The following UNC93B1 variants were observed in gnomAD, a reference collection of about 807,000 sequenced individuals.
The protein encoded by UNC93B1 is unc-93B1 regulator of TLR signaling.
UNC93B1 carries 33 observed loss-of-function variants against 56.8 expected under a neutral mutation model. The ratio of observed to expected loss-of-function variants is 0.58; its 90% CI spans 0.44 to 0.78. UNC93B1 has a LOEUF of 0.78. Ranked by LOEUF, UNC93B1 falls within the 30% of genes least tolerant of loss-of-function variation. The pLI is 0.00. For synonymous variants in UNC93B1, 334 were observed against 358.6 expected (o/e 0.93, Z 0.77); for missense variants, 673 against 819.5 (o/e 0.82, Z 2.18).
At position 67,991,804 on chromosome 11, in the gene UNC93B1, C is replaced by G. The variant is rs1467680944; in HGVS notation, c.1536G>C (p.Leu512=). Residue 512 remains leucine (L), a synonymous_variant, in exon 11 of 11, where the codon CTG becomes CTC. Transcript: ENST00000227471. ...CCCGGCGCAGCTTCTGCTCCATCCGCAGGTAGGAGACCGCGGCCGCCACCA... is the reference window on the plus strand; with the variant it reads ...CCCGGCGCAGCTTCTGCTCCATCCGGAGGTAGGAGACCGCGGCCGCCACCA... The part of the protein sequence containing the change: ...VTLVAAAVSY[L]RMEQKLRRGV... The G allele has an allele frequency of 6.4e-7, 1 of 1,555,352 alleles. No homozygotes were observed. The highest frequency in any genetic ancestry group is 1.8e-5 in the Admixed American group (1 of 54,150).
At position 68,004,082 on chromosome 11, in the gene UNC93B1, G is replaced by A; in HGVS notation, c.-39C>T. 7.7e-7 allele frequency: 1 copy of A among 1,297,878 alleles called. No homozygotes were observed. The highest frequency in any genetic ancestry group is 9.8e-7 in the Non-Finnish European group (1 of 1,020,760). The allele number at this position is 1,297,878 out of a possible 1,614,324, so 80.4% of individuals were successfully genotyped here. A position where few individuals can be genotyped will look rare whatever the true frequency, so the allele number is the denominator to read the frequency against. ...GCGGACTCGCGGCGGTCGCCCCGGA[G>A]TCCCTGCGACCGCCCGGCCACTTCC... On this transcript the variant is annotated 5_prime_UTR_variant, in exon 1 of 11. Coordinates refer to ENST00000227471, the MANE Select transcript of UNC93B1 (RefSeq NM_030930.4).
intron 3 of UNC93B1, among the ~76,000 whole-genome samples, chr11:68,001,061 T>A (rs1384147789): frequency 6.6e-6 from 1 of 151,974 alleles, no homozygotes; most frequent in Non-Finnish European, 1.5e-5. Flanking sequence ...CTGAGCGTGG[T>A]GGCGGGCGCC....
chr11:67,997,448 C>A (rs1369983120), intron 7 of UNC93B1: 1 of 677,120 alleles, frequency 1.5e-6, no homozygotes, highest in African/African-American at 1.8e-5. Flanking sequence ...TGGATGCCCA[C>A]GCCTGCCTCG....
Position 67,996,725 on chromosome 11 carries a change from C to A in UNC93B1, c.966G>T (p.Val322=). ...RPTEEIDLRS[V]GWGNIFQLPF... ...GCAGCTGGAAGATGTTGCCCCAGCC[C>A]ACGCTGCGCAGATCGATCTCCTCCG... is the stretch of plus-strand genomic sequence containing the variant. Residue 322 remains valine, a synonymous_variant, in exon 8 of 11, where the codon GTG becomes GTT. Coordinates refer to ENST00000227471, the MANE Select transcript of UNC93B1 (RefSeq NM_030930.4). The A allele has an allele frequency of 6.4e-7, 1 of 1,555,328 alleles. No homozygotes were observed. The highest frequency in any genetic ancestry group is 2.4e-5 in the East Asian group (1 of 41,142).
In UNC93B1 at chr11:67,991,323, C is replaced by A. The variant is rs562206035; in HGVS notation, c.*223G>T. 297 of 445,050 alleles carry A rather than the reference C, an allele frequency of 6.7e-4. 4 individuals are homozygous for A. The East Asian group carries it at 0.011, about 16-fold the overall frequency. 27.6% of individuals were successfully genotyped at this position (445,050 alleles called of 1,614,324 possible). A position where few individuals can be genotyped will look rare whatever the true frequency, so the allele number is the denominator to read the frequency against. On this transcript the variant is annotated 3_prime_UTR_variant, in exon 11 of 11. Coordinates refer to ENST00000227471, the MANE Select transcript of UNC93B1 (RefSeq NM_030930.4). ...CGGGGTTTCAGCTGTATTTTCGAAC[C>A]CCTGTGCTTGGCCGAGGGGTTCCCA...
chr11:68,000,977 C>T (rs1857035757), intron 3 of UNC93B1, among the ~76,000 whole-genome samples: 1 of 152,006 alleles, frequency 6.6e-6, no homozygotes, highest in Admixed American at 6.6e-5. Flanking sequence ...GGCAGATCAC[C>T]TGAGGTCAGA....
chr11:67,991,463 C>T lies in UNC93B1; in HGVS notation c.*83G>A. ...AGGGGCCTTTGAAGACAGCGCGGGA[C>T]TCGGAGGGGGTCCCCCCGACCTCAG... is the stretch of plus-strand genomic sequence containing the variant. On this transcript the variant is annotated 3_prime_UTR_variant, in exon 11 of 11. Coordinates refer to ENST00000227471, the MANE Select transcript of UNC93B1 (RefSeq NM_030930.4). 2 of 1,303,622 alleles carry T rather than the reference C, an allele frequency of 1.5e-6. No individual in the cohort carries two copies. Among genetic ancestry groups the T allele is most frequent in the East Asian group, 3.0e-5 (1 of 32,964 alleles). 80.8% of individuals were successfully genotyped at this position (1,303,622 alleles called of 1,614,324 possible).
intron 5 of UNC93B1, 145 bp downstream of exon 5, chr11:67,999,028 C>A: frequency 7.5e-7 from 1 of 1,324,692 alleles, no homozygotes; most frequent in Non-Finnish European, 1.0e-6. Flanking sequence ...GAGTTCAAAG[C>A]CATCTGGGCA....
intron 5 of UNC93B1, among the ~76,000 whole-genome samples, 157 bp from the exon 6 acceptor site, chr11:67,998,609 C>T (rs893408576): frequency 2.0e-5 from 3 of 152,190 alleles, no homozygotes; most frequent in East Asian, 1.9e-4. Flanking sequence ...ATGAGGAAGA[C>T]CTCCTCCTGG....
chr11:68,003,906 C>T lies in UNC93B1; in HGVS notation c.96+42G>A, dbSNP rs1351118273. ...CGCCCCCGCCGGGGGGACCCTGGCC[C>T]ACAGGGGACGCCCGCGCCTCGCACT... On this transcript the variant is annotated intron_variant, in intron 1 of 10. Transcript: ENST00000227471. This position sits in a 1 kb window ranked among gnomAD's most constrained non-coding sequence, Gnocchi z 4.4. The T allele has an allele frequency of 2.2e-6, 3 of 1,338,900 alleles. No individual in the cohort carries two copies. The highest frequency in any genetic ancestry group is 1.9e-6 in the Non-Finnish European group (2 of 1,043,372). The allele number at this position is 1,338,900 out of a possible 1,614,324, so 82.9% of individuals were successfully genotyped here.
intron 10 of UNC93B1, 88 bp downstream of exon 10, chr11:67,993,588 G>T: frequency 2.2e-6 from 2 of 906,074 alleles, no homozygotes; most frequent in Non-Finnish European, 3.5e-6. Context: ...TTGGGAAGGG[G>T]TGGCATTTAG....
rs1856989287 is a variant in UNC93B1, at chr11:67,998,457, A to T, written c.688-5T>A. 6.2e-7 allele frequency: 1 copy of T among 1,613,846 alleles called. No individual in the cohort carries two copies. Among genetic ancestry groups the T allele is most frequent in the South Asian group, 1.1e-5 (1 of 91,088 alleles). On this transcript the variant is annotated splice_polypyrimidine_tract_variant and splice_region_variant and intron_variant, in intron 5 of 10. Transcript: ENST00000227471. ...CTGGGCGCAGGCGAAGCTCAGCTGC[A>T]GAAACAAGGGCAGTTGGGACCAGAC...
At chr11:67,995,065 A>C (rs113112519) in intron 9 of UNC93B1, among the ~76,000 whole-genome samples, 4,220 of 152,160 alleles carry the variant, frequency 0.028, 158 homozygotes, top group African/African-American at 0.078. Context: ...TCTCTATACA[A>C]AGGCCCATGT....
chr11:67,994,153 A>G lies in UNC93B1; in HGVS notation c.1364-359T>C, dbSNP rs57358717. The stretch of plus-strand genomic sequence containing the variant: ...CAGGCGCTGTTTCTCCTCCTCAGCC[A>G]GGACTAGAGAGATCGAACTGTTTGC... On this transcript the variant is annotated intron_variant, in intron 9 of 10. Coordinates refer to ENST00000227471, the MANE Select transcript of UNC93B1 (RefSeq NM_030930.4). 2.5e-3 allele frequency among the ~76,000 whole-genome samples: 387 copies of G among 152,208 alleles called. 4 individuals are homozygous for G. The highest frequency in any genetic ancestry group is 7.2e-3 in the African/African-American group (299 of 41,448).
At chr11:68,001,845 G>A (rs1857049696) in intron 3 of UNC93B1, among the ~76,000 whole-genome samples, 1 of 152,120 alleles carries the variant, frequency 6.6e-6, no homozygotes, top group Non-Finnish European at 1.5e-5. Flanking sequence ...TATGCTCAGT[G>A]AAAAGAAGGA....
chr11:67,999,727 C>A, intron 3 of UNC93B1, 47 bp from the exon 4 acceptor site: 2 of 1,590,142 alleles, frequency 1.3e-6, no homozygotes, highest in Non-Finnish European at 1.7e-6. Context: ...TGCTGGACCA[C>A]TGTGGCCTGA....
Position 68,004,070 on chromosome 11 carries a change from G to T in UNC93B1, c.-27C>A. ...GCCCGAACTACTGCGGACTCGCGGC[G>T]GTCGCCCCGGAGTCCCTGCGACCGC... On this transcript the variant is annotated 5_prime_UTR_variant, in exon 1 of 11. Transcript: ENST00000227471. 7.6e-7 allele frequency: 1 copy of T among 1,318,930 alleles called. No homozygotes were observed. The highest frequency in any genetic ancestry group is 2.7e-4 in the Middle Eastern group (1 of 3,680). The allele number at this position is 1,318,930 out of a possible 1,614,324, so 81.7% of individuals were successfully genotyped here.
At chr11:67,993,935 C>T (rs1856890888) in intron 9 of UNC93B1, 141 bp from the exon 10 acceptor site, 5 of 688,582 alleles carry the variant, frequency 7.3e-6, no homozygotes, top group African/African-American at 1.8e-5. Flanking sequence ...TGCTGTGAGG[C>T]GGTCCTGGCC....
chr11:68,000,537 C>G (rs1857028933), intron 3 of UNC93B1, among the ~76,000 whole-genome samples: 1 of 151,958 alleles, frequency 6.6e-6, no homozygotes, highest in South Asian at 2.1e-4. Context: ...TGGTGGTGCA[C>G]ACCTGTAATC....
Sources: gnomAD v4.1 joint callset for allele counts (sites outside exome capture counted in the v4.1 genomes callset) on GRCh38, gnomAD v4.1.1 for gene constraint, Gnocchi (gnomAD v3.1) non-coding constraint, MANE v1.5 for transcripts, NCBI Gene and HGNC (gene_info 2026-07-23, HGNC 2026-07-21) for gene names.